The following BLVRA variants were observed in gnomAD, a reference collection of about 807,000 sequenced individuals.
The protein encoded by BLVRA is biliverdin reductase A, also known as BVR A.
A neutral mutation model predicts 32.8 loss-of-function variants in BLVRA; 22 were observed. That is an observed-to-expected ratio of 0.67 (90% confidence interval 0.48 to 0.96). The LOEUF (loss-of-function observed/expected upper bound fraction) is 0.96. Among genes scored for constraint, BLVRA ranks in the 40% least tolerant of loss-of-function variants. BLVRA has a pLI of 0.00. For missense variants in BLVRA, 323 were observed against 358.1 expected, an observed-to-expected ratio of 0.90 and a Z score of 0.79; for synonymous variants, 119 against 141.3, an observed-to-expected ratio of 0.84 and a Z score of 1.12.
At chr7:43,759,988 A>ATTTTTTTTTTTTTTTTTTTTTTTTTTTT (rs57266558) in intron 1 of BLVRA, 1 of 122,046 alleles carries the variant, frequency 8.2e-6, no homozygotes, top group Non-Finnish European at 1.6e-5. Context: ...TTCATATGTA[A>ATTTTTTTTTTTTTTTTTTTTTTTTTTTT]TTTTTTTTTT....
upstream of BLVRA, among the ~76,000 whole-genome samples, chr7:43,758,210 G>A (rs191707132): frequency 1.1e-4 from 16 of 152,292 alleles, no homozygotes; most frequent in African/African-American, 3.4e-4. Flanking sequence ...TTACAGGAAG[G>A]ACTCAGGTAA....
intron 2 of BLVRA, among the ~76,000 whole-genome samples, chr7:43,774,828 G>C (rs1417347028): frequency 2.0e-5 from 3 of 152,164 alleles, no homozygotes; most frequent in African/African-American, 7.2e-5. Flanking sequence ...GCAGTGGTTT[G>C]TAGTTCTCTT....
At chr7:43,798,586 T>G (rs1360487861) in intron 5 of BLVRA, among the ~76,000 whole-genome samples, 1 of 152,230 alleles carries the variant, frequency 6.6e-6, no homozygotes, top group Non-Finnish European at 1.5e-5. Context: ...TGTCATTTTG[T>G]TATGTTTCCA....
chr7:43,800,383 A>C, intron 5 of BLVRA, 82 bp from the exon 6 acceptor site: 2 of 1,311,926 alleles, frequency 1.5e-6, no homozygotes, highest in Non-Finnish European at 1.1e-6. Context: ...GTCTTGTGTT[A>C]GGGGATGACA....
chr7:43,764,413 C>A (rs2095745577), intron 1 of BLVRA: 1 of 152,156 alleles, frequency 6.6e-6, no homozygotes, highest in Admixed American at 6.5e-5. Flanking sequence ...CGTGATTATG[C>A]CCTTCCAAGT....
chr7:43,788,172 C>A, intron 3 of BLVRA, 147 bp downstream of exon 3: 1 of 1,454,588 alleles, frequency 6.9e-7, no homozygotes, highest in Non-Finnish European at 9.5e-7. Context: ...CATAAGATCT[C>A]AGGTTGGGAT....
chr7:43,764,357 C>A (rs1211564694), intron 1 of BLVRA: 2 of 152,252 alleles, frequency 1.3e-5, no homozygotes, highest in African/African-American at 4.8e-5. Context: ...AATAGAGTTA[C>A]ACATTGTTCT....
At position 43,773,385 on chromosome 7, in the gene BLVRA, G is replaced by A. The variant is rs560341201; in HGVS notation, c.12+2215G>A. 2.6e-3 allele frequency among the ~76,000 whole-genome samples: 396 copies of A among 151,922 alleles called. 2 individuals are homozygous for A. The highest frequency in any genetic ancestry group is 3.7e-3 in the Non-Finnish European group (252 of 67,976). ...TTCCCACCTATCAGTGAGAACATGC[G>A]GTGTTTGGTTTTTTGTCCTTGCGAT... is the stretch of plus-strand genomic sequence containing the variant. On this transcript the variant is annotated intron_variant, in intron 2 of 7. Transcript: ENST00000265523.
At chr7:43,768,117 G>C (rs952748755) in intron 1 of BLVRA, among the ~76,000 whole-genome samples, 3 of 152,168 alleles carry the variant, frequency 2.0e-5, no homozygotes, top group Non-Finnish European at 2.9e-5. Context: ...AGTCAGATAG[G>C]CCTTCTTGCT....
intron 7 of BLVRA, among the ~76,000 whole-genome samples, 182 bp from the exon 8 acceptor site, chr7:43,806,790 AAAATT>A (rs2095804460): frequency 6.6e-6 from 1 of 152,134 alleles, no homozygotes; most frequent in Non-Finnish European, 1.5e-5. Flanking sequence ...GCCTGATGGC[AAAATT>A]AAATTAAAGA....
intron 1 of BLVRA, among the ~76,000 whole-genome samples, chr7:43,766,336 G>T (rs571769606): frequency 1.3e-5 from 2 of 149,996 alleles, no homozygotes; most frequent in Non-Finnish European, 1.5e-5. Flanking sequence ...AAATAAAAAT[G>T]TATCTATTTA....
chr7:43,803,597 GCCACCC>G, intron 6 of BLVRA, 73 bp from the exon 7 acceptor site: 4 of 1,016,724 alleles, frequency 3.9e-6, no homozygotes, highest in Non-Finnish European at 5.9e-6. Context: ...TCACACCCCC[GCCACCC>G]CCACCCCCCT....
At chr7:43,776,630 T>C (rs1322367259) in intron 2 of BLVRA, among the ~76,000 whole-genome samples, 4 of 152,176 alleles carry the variant, frequency 2.6e-5, no homozygotes, top group Non-Finnish European at 5.9e-5. Context: ...TGATTTGGGG[T>C]GGAGAGTTCT....
intron 2 of BLVRA, among the ~76,000 whole-genome samples, chr7:43,785,340 A>G (rs2095776009): frequency 6.6e-6 from 1 of 151,784 alleles, no homozygotes; most frequent in South Asian, 2.1e-4. Context: ...ACCAAAAAAA[A>G]AAAAAAAGAA....
chr7:43,769,571 G>C (rs922078161), intron 1 of BLVRA, among the ~76,000 whole-genome samples: 2 of 152,014 alleles, frequency 1.3e-5, no homozygotes, highest in East Asian at 1.9e-4. Context: ...AATGGGAAGA[G>C]AGAAGGGAGG....
At chr7:43,768,540 T>C (rs1478630391) in intron 1 of BLVRA, among the ~76,000 whole-genome samples, 1 of 150,900 alleles carries the variant, frequency 6.6e-6, no homozygotes. Context: ...AATACTAGCT[T>C]TTTTTTTTGC....
intron 3 of BLVRA, 34 bp from the exon 4 acceptor site, chr7:43,791,215 C>T: frequency 6.2e-7 from 1 of 1,613,528 alleles, no homozygotes; most frequent in South Asian, 1.1e-5. Flanking sequence ...TTCTGTCTAC[C>T]ATTGAGTTCC....
In BLVRA at chr7:43,791,716, C is replaced by T. The variant is rs537483616; in HGVS notation, c.254+348C>T. 7 of 250,308 alleles carry T rather than the reference C, an allele frequency of 2.8e-5. No individual in the cohort carries two copies. The East Asian group carries it at 7.0e-4, about 25-fold the overall frequency. The allele number at this position is 250,308 out of a possible 1,614,324, so 15.5% of individuals were successfully genotyped here. A position where few individuals can be genotyped will look rare whatever the true frequency, so the allele number is the denominator to read the frequency against. On this transcript the variant is annotated intron_variant, in intron 4 of 7. Coordinates refer to ENST00000265523, the MANE Select transcript of BLVRA (RefSeq NM_000712.4). ...CAGACAGTTTAGGATGTGGAGCCGG[C>T]ATCCTTGGCAAATTATCATACTCCC...
intron 7 of BLVRA, among the ~76,000 whole-genome samples, chr7:43,804,277 A>T (rs981868132): frequency 6.6e-6 from 1 of 152,192 alleles, no homozygotes; most frequent in African/African-American, 2.4e-5. Flanking sequence ...CCCTGTCTCT[A>T]CTAAAAATGC....
Sources: allele counts gnomAD v4.1 joint callset (sites outside exome capture counted in the v4.1 genomes callset), GRCh38; gene constraint gnomAD v4.1.1; transcripts MANE v1.5; gene names NCBI Gene and HGNC (gene_info 2026-07-23, HGNC 2026-07-21).